ERC2: variants seen among roughly 807,000 people sequenced by gnomAD.
ERC2 encodes ELKS/RAB6-interacting/CAST family member 2.
A neutral mutation model predicts 114.8 loss-of-function variants in ERC2; 42 were observed. The observed-to-expected ratio is 0.37, with a 90% CI of 0.29 to 0.47. The LOEUF is 0.47. ERC2 is among the 20% of genes least tolerant of loss of function. The pLI is 0.99. For synonymous variants in ERC2, 454 were observed against 425.5 expected (o/e 1.07, Z -0.82); for missense variants, 939 against 1,150.7 (o/e 0.82, Z 2.66).
At chr3:56,382,118 C>T (rs2059774455) in intron 2 of ERC2, among the ~76,000 whole-genome samples, 1 of 151,672 alleles carries the variant, frequency 6.6e-6, no homozygotes, top group Non-Finnish European at 1.5e-5. Context: ...TTACCTGCAG[C>T]ACCCCATCAA....
intron 14 of ERC2, among the ~76,000 whole-genome samples, chr3:55,871,925 T>C (rs2062601685): frequency 6.6e-6 from 1 of 152,222 alleles, no homozygotes; most frequent in Non-Finnish European, 1.5e-5. Context: ...GTTTGTAATT[T>C]GGTGTCAAGA....
intron 14 of ERC2, among the ~76,000 whole-genome samples, chr3:55,832,533 C>T (rs1315834029): frequency 6.6e-6 from 1 of 152,224 alleles, no homozygotes; most frequent in Non-Finnish European, 1.5e-5. Flanking sequence ...TCCAACAGAC[C>T]TGCAGCTGAG....
chr3:55,928,685 G>A (rs1219499971), intron 13 of ERC2, among the ~76,000 whole-genome samples: 1 of 152,172 alleles, frequency 6.6e-6, no homozygotes. Flanking sequence ...TCTTTGCCCA[G>A]TCCAATGTCC....
intron 4 of ERC2, among the ~76,000 whole-genome samples, chr3:56,169,493 T>C (rs918124715): frequency 1.1e-4 from 16 of 152,108 alleles, no homozygotes; most frequent in Admixed American, 9.8e-4. Flanking sequence ...CTTCCATTTG[T>C]GATAGTTGGA....
chr3:55,997,920 G>GTTTTTTT (rs2071704399), intron 10 of ERC2, among the ~76,000 whole-genome samples: 1 of 17,202 alleles, frequency 5.8e-5, no homozygotes, highest in Non-Finnish European at 1.1e-4. Context: ...GTGTGTGTGT[G>GTTTTTTT]TGTTTTTTGT....
intron 2 of ERC2, among the ~76,000 whole-genome samples, chr3:56,419,067 T>C (rs1174752376): frequency 6.6e-6 from 1 of 152,130 alleles, no homozygotes; most frequent in African/African-American, 2.4e-5. Context: ...ACAGTCTACA[T>C]AGAAAAAGGA....
chr3:55,889,683 T>G (rs1280643600), intron 13 of ERC2, among the ~76,000 whole-genome samples: 1 of 152,180 alleles, frequency 6.6e-6, no homozygotes, highest in Non-Finnish European at 1.5e-5. Context: ...TCCCTGCTGA[T>G]CCAAAATCAT....
chr3:55,582,700 G>A (rs979610543), intron 17 of ERC2, among the ~76,000 whole-genome samples: 2 of 152,152 alleles, frequency 1.3e-5, no homozygotes, highest in Admixed American at 1.3e-4. Context: ...CTTGCCTAAA[G>A]GAGTAAACTC....
At chr3:55,763,498 G>T (rs6777503) in intron 14 of ERC2, among the ~76,000 whole-genome samples, 121,940 of 152,092 alleles carry the variant, frequency 0.8, 49,488 homozygotes, top group African/African-American at 0.93. Context: ...CAGATTCAGA[G>T]AGGGACTCTG....
intron 3 of ERC2, among the ~76,000 whole-genome samples, chr3:56,208,743 G>A (rs571016023): frequency 3.3e-5 from 5 of 152,302 alleles, no homozygotes; most frequent in South Asian, 2.1e-4. Flanking sequence ...AGGCCAGACC[G>A]TAAACTCTCC....
intron 1 of ERC2, among the ~76,000 whole-genome samples, chr3:56,448,554 G>C (rs1010867325): frequency 3.4e-4 from 52 of 152,080 alleles, no homozygotes; most frequent in African/African-American, 1.3e-3. Context: ...TACCCCACGG[G>C]CCTCATACAC....
At chr3:56,374,333 G>A (rs985204931) in intron 2 of ERC2, among the ~76,000 whole-genome samples, 7 of 152,096 alleles carry the variant, frequency 4.6e-5, no homozygotes, top group African/African-American at 1.2e-4. Context: ...TCCTGACCTC[G>A]TGATCTGCCC....
chr3:55,771,613 C>G (rs755966318), intron 14 of ERC2, among the ~76,000 whole-genome samples: 15 of 152,200 alleles, frequency 9.9e-5, no homozygotes, highest in Non-Finnish European at 1.9e-4. Flanking sequence ...GGCATAAACC[C>G]CACTAGGCTG....
intron 3 of ERC2, among the ~76,000 whole-genome samples, chr3:56,243,501 T>C (rs1422382914): frequency 6.6e-6 from 1 of 152,028 alleles, no homozygotes; most frequent in Non-Finnish European, 1.5e-5. Flanking sequence ...CCTGAAGCCA[T>C]ATACAGGACA....
chr3:56,211,867 A>C (rs149719821), intron 3 of ERC2, among the ~76,000 whole-genome samples: 162 of 152,340 alleles, frequency 1.1e-3, no homozygotes, highest in African/African-American at 3.7e-3. Context: ...CACCCTATTC[A>C]ACAAATGTTG....
At chr3:55,563,471 C>A (rs1209461074) in intron 17 of ERC2, among the ~76,000 whole-genome samples, 3 of 152,128 alleles carry the variant, frequency 2.0e-5, no homozygotes, top group South Asian at 2.1e-4. Context: ...GGGCTCCCAA[C>A]TGGGACTTGG....
At chr3:55,833,050 T>C (rs1231214231) in intron 14 of ERC2, among the ~76,000 whole-genome samples, 2 of 143,202 alleles carry the variant, frequency 1.4e-5, no homozygotes, top group Admixed American at 1.3e-4. Context: ...AGAAGGGAAG[T>C]TTAGAGAAAA....
intron 7 of ERC2, among the ~76,000 whole-genome samples, chr3:56,028,254 T>C (rs531037177): frequency 4.6e-5 from 7 of 152,280 alleles, no homozygotes; most frequent in African/African-American, 1.7e-4. Flanking sequence ...CTTATTCTTT[T>C]TTCCCCAAGA....
intron 3 of ERC2, among the ~76,000 whole-genome samples, chr3:56,287,701 T>G (rs2054814270): frequency 6.6e-6 from 1 of 152,212 alleles, no homozygotes; most frequent in Non-Finnish European, 1.5e-5. Flanking sequence ...CTGAAATCCC[T>G]GGCAGCATCA....
Sources: allele counts gnomAD v4.1 joint callset (sites outside exome capture counted in the v4.1 genomes callset), GRCh38; gene constraint gnomAD v4.1.1; transcripts MANE v1.5; gene names NCBI Gene and HGNC (gene_info 2026-07-23, HGNC 2026-07-21).